Variants in EDIL3 observed in about 807,000 individuals in gnomAD.
EDIL3 encodes EGF like and discoidin domains 3, also known as EGF-like repeat and discoidin I-like domain-containing protein 3.
In EDIL3, 37 loss-of-function variants were observed where a neutral mutation model predicts 67.4. The observed-to-expected ratio is 0.55, with a 90% confidence interval of 0.42 to 0.72. The LOEUF is 0.72. EDIL3 is among the 30% of genes least tolerant of loss of function. The probability of loss-of-function intolerance (pLI) is 0.00; values close to 1 mark genes in which losing one functional copy is unlikely to be tolerated. For synonymous variants in EDIL3, 195 were observed against 196.3 expected (o/e 0.99, Z 0.05); for missense variants, 527 against 586.3 (o/e 0.90, Z 1.04).
intron 5 of EDIL3, among the ~76,000 whole-genome samples, chr5:84,126,955 T>C (rs905797367): frequency 2.0e-5 from 3 of 152,106 alleles, no homozygotes; most frequent in Non-Finnish European, 4.4e-5. Flanking sequence ...CAAGTAAGTA[T>C]GAGGCAACAC....
At chr5:84,269,113 T>A (rs1438583877) in intron 1 of EDIL3, among the ~76,000 whole-genome samples, 1 of 152,198 alleles carries the variant, frequency 6.6e-6, no homozygotes, top group Non-Finnish European at 1.5e-5. Flanking sequence ...TTATATATGA[T>A]CTCTTTTATG....
At chr5:84,036,630 T>C (rs1466667070) in intron 9 of EDIL3, among the ~76,000 whole-genome samples, 1 of 152,174 alleles carries the variant, frequency 6.6e-6, no homozygotes, top group Non-Finnish European at 1.5e-5. Context: ...AAGTCCCGCA[T>C]TGAGCATTGA....
At chr5:84,086,399 G>C (rs148973606) in intron 6 of EDIL3, among the ~76,000 whole-genome samples, 4 of 152,126 alleles carry the variant, frequency 2.6e-5, no homozygotes, top group African/African-American at 9.7e-5. Context: ...CTTGTTTTGG[G>C]GGAGGGCAGG....
chr5:84,131,273 C>A (rs1747962310), intron 5 of EDIL3, among the ~76,000 whole-genome samples: 1 of 152,104 alleles, frequency 6.6e-6, no homozygotes, highest in South Asian at 2.1e-4. Flanking sequence ...TCAATTCCAT[C>A]TGCAGATAAA....
intron 4 of EDIL3, among the ~76,000 whole-genome samples, chr5:84,150,711 T>C (rs1748374495): frequency 6.6e-6 from 1 of 152,292 alleles, no homozygotes; most frequent in South Asian, 2.1e-4. Flanking sequence ...TGGAAAACCA[T>C]GTGACAGTTT....
At chr5:84,281,254 T>C (rs1005114804) in intron 1 of EDIL3, among the ~76,000 whole-genome samples, 2 of 152,232 alleles carry the variant, frequency 1.3e-5, no homozygotes, top group African/African-American at 4.8e-5. Context: ...ATTTCTGATA[T>C]TTTATTCATA....
chr5:84,085,387 T>C (rs1223925815), intron 6 of EDIL3, among the ~76,000 whole-genome samples: 1 of 152,118 alleles, frequency 6.6e-6, no homozygotes, highest in African/African-American at 2.4e-5. Context: ...TTTGTTGATG[T>C]TGTTGTTGTT....
At chr5:83,974,884 C>G (rs1020134100) in intron 9 of EDIL3, among the ~76,000 whole-genome samples, 7 of 151,950 alleles carry the variant, frequency 4.6e-5, no homozygotes, top group African/African-American at 1.7e-4. Flanking sequence ...CTTAAAACTC[C>G]AATCTCATCA....
At chr5:84,119,212 GTTTTTTTTT>G (rs66522256) in intron 5 of EDIL3, among the ~76,000 whole-genome samples, 201 of 82,336 alleles carry the variant, frequency 2.4e-3, no homozygotes, top group Middle Eastern at 0.014. Context: ...CATGCATTTG[GTTTTTTTTT>G]TTTTTTTTTT....
intron 4 of EDIL3, among the ~76,000 whole-genome samples, chr5:84,153,210 C>G (rs1748428476): frequency 6.6e-6 from 1 of 152,162 alleles, no homozygotes; most frequent in Non-Finnish European, 1.5e-5. Context: ...AAACCTACTA[C>G]TTGTTCATCA....
chr5:84,234,204 T>G (rs1744635943), intron 2 of EDIL3, among the ~76,000 whole-genome samples: 1 of 152,330 alleles, frequency 6.6e-6, no homozygotes. Flanking sequence ...TTCAGTGCTT[T>G]ATTTTTCCAG....
intron 1 of EDIL3, among the ~76,000 whole-genome samples, chr5:84,306,201 T>C (rs1053713401): frequency 9.2e-5 from 14 of 152,180 alleles, no homozygotes; most frequent in African/African-American, 2.9e-4. Context: ...TAGAATCAAC[T>C]GTCAGGTAAG....
chr5:84,277,276 C>G (rs1745600711), intron 1 of EDIL3, among the ~76,000 whole-genome samples: 1 of 152,010 alleles, frequency 6.6e-6, no homozygotes, highest in South Asian at 2.1e-4. Context: ...ACTTCCTTGC[C>G]CTCTCTGCTA....
In EDIL3 at chr5:84,384,312, G is replaced by A; in HGVS notation, c.63C>T (p.Gly21=). The A allele has an allele frequency of 6.2e-7, 1 of 1,609,696 alleles. No individual in the cohort carries two copies. Among genetic ancestry groups the A allele is most frequent in the Non-Finnish European group, 8.5e-7 (1 of 1,178,144 alleles). Residue 21 remains glycine, a synonymous_variant, in exon 1 of 11, where the codon GGC becomes GGT. Coordinates refer to ENST00000296591, the MANE Select transcript of EDIL3 (RefSeq NM_005711.5). ...GTCCGGGTCCCGACGCCTTACCTTT[G>A]CCGAACTGGGGGACACCGAGGCTGA... ...VGLSLGVPQF[G]KGDICDPNPC...
rs955150 is a variant in EDIL3, at chr5:84,301,811, T to C, written c.68-47599A>G. 5.9e-5 allele frequency among the ~76,000 whole-genome samples: 9 copies of C among 152,286 alleles called. No individual in the cohort carries two copies. In the South Asian group the frequency reaches 1.9e-3, roughly 32 times the overall value. On this transcript the variant is annotated intron_variant, in intron 1 of 10. Transcript: ENST00000296591. Reference sequence around the variant, plus strand: ...TTAGAACTGACTGGTCCAAAGTAAATAGAAAAGAGGAAGATGAAAAAGAAA... The same window carrying C: ...TTAGAACTGACTGGTCCAAAGTAAACAGAAAAGAGGAAGATGAAAAAGAAA...
At position 84,219,914 on chromosome 5, in the gene EDIL3, G is replaced by A. The variant is rs115915618; in HGVS notation, c.226+9941C>T. Among the ~76,000 whole-genome samples the A allele has an allele frequency of 5.3e-5, 8 of 152,130 alleles. No individual in the cohort carries two copies. The East Asian group carries it at 1.2e-3, about 22-fold the overall frequency. On this transcript the variant is annotated intron_variant, in intron 3 of 10. Transcript: ENST00000296591. The stretch of plus-strand genomic sequence containing the variant: ...CTTATTTACAGGAGCACTTATTTAC[G>A]GAGATAGAGAGTAGAATGATGGTTA...
chr5:84,171,985 C>T (rs1748820517), intron 4 of EDIL3, among the ~76,000 whole-genome samples: 1 of 152,074 alleles, frequency 6.6e-6, no homozygotes, highest in Non-Finnish European at 1.5e-5. Context: ...AGACATGGCT[C>T]CAAAACTATT....
rs1291218631 is a variant in EDIL3, at chr5:84,160,821, CTTTCCT to C, written c.355+19566_355+19571del. ...TTTCCTTTCCTTTCCTTTCCTTTCC[CTTTCCT>C]TTTCCTTTCCTTTTCCTTTCCTTTC... On this transcript the variant is annotated intron_variant, in intron 4 of 10. Transcript: ENST00000296591. 1.3e-4 allele frequency among the ~76,000 whole-genome samples: 10 copies of C among 77,604 alleles called. No homozygotes were observed. In the East Asian group the frequency reaches 3.8e-3, roughly 29 times the overall value. 50.9% of individuals were successfully genotyped at this position (77,604 alleles called of 152,430 possible).
chr5:84,108,044 A>G (rs1361329843), intron 5 of EDIL3, among the ~76,000 whole-genome samples: 1 of 151,448 alleles, frequency 6.6e-6, no homozygotes, highest in African/African-American at 2.4e-5. Context: ...AGTATATGAA[A>G]GTCAACTTGA....
Sources: gnomAD v4.1 joint callset for allele counts (sites outside exome capture counted in the v4.1 genomes callset) on GRCh38, gnomAD v4.1.1 for gene constraint, MANE v1.5 for transcripts, NCBI Gene and HGNC (gene_info 2026-07-23, HGNC 2026-07-21) for gene names.